Variants in TENM3 observed in about 807,000 individuals in gnomAD.
TENM3 encodes teneurin transmembrane protein 3.
In TENM3, 63 loss-of-function variants were observed where a neutral mutation model predicts 255.1. That is an observed-to-expected ratio of 0.25 (90% CI 0.20 to 0.30). The LOEUF is 0.30. Among genes scored for constraint, TENM3 ranks in the 10% least tolerant of loss-of-function variants. The pLI is 1.00. For synonymous variants in TENM3, 1,306 were observed against 1,322.3 expected (o/e 0.99, Z 0.27); for missense variants, 2,929 against 3,461.1 (o/e 0.85, Z 3.86).
chr4:182,085,567 G>A, the TENM3 span, among the ~76,000 whole-genome samples: 3 of 152,082 alleles, frequency 2.0e-5, no homozygotes, highest in Admixed American at 2.0e-4. Flanking sequence ...ATAAAAATGT[G>A]CCTATCTATT....
At chr4:182,160,281 C>A (rs557177884) in intron 1 of TENM3, among the ~76,000 whole-genome samples, 4 of 152,062 alleles carry the variant, frequency 2.6e-5, no homozygotes, top group Non-Finnish European at 5.9e-5. Context: ...GGATTACAGG[C>A]GTGAGCCACC....
At chr4:181,665,955 T>C in the TENM3 span, among the ~76,000 whole-genome samples, 1 of 152,142 alleles carries the variant, frequency 6.6e-6, no homozygotes, top group African/African-American at 2.4e-5. Context: ...CACCTATATA[T>C]TGGTCTTCCA....
At chr4:182,381,224 G>A (rs916204124) in intron 3 of TENM3, among the ~76,000 whole-genome samples, 2 of 152,164 alleles carry the variant, frequency 1.3e-5, no homozygotes, top group African/African-American at 2.4e-5. Flanking sequence ...AATTAGAGAC[G>A]GAAAACACCT....
At chr4:181,698,708 G>A in the TENM3 span, among the ~76,000 whole-genome samples, 15 of 152,244 alleles carry the variant, frequency 9.9e-5, no homozygotes, top group Admixed American at 3.3e-4. Context: ...ACCTAACTTC[G>A]TTAGACCTCA....
the TENM3 span, among the ~76,000 whole-genome samples, chr4:181,915,742 G>C: frequency 6.6e-6 from 1 of 151,792 alleles, no homozygotes; most frequent in Non-Finnish European, 1.5e-5. Context: ...GGAGAACACA[G>C]AAGATTGACT....
intron 3 of TENM3, among the ~76,000 whole-genome samples, chr4:182,407,833 C>G (rs1220095900): frequency 6.6e-6 from 1 of 152,218 alleles, no homozygotes; most frequent in Non-Finnish European, 1.5e-5. Context: ...CAGGAATTCA[C>G]TCTTCATTAC....
chr4:182,540,032 C>T (rs13126356), intron 3 of TENM3, among the ~76,000 whole-genome samples: 134,005 of 152,272 alleles, frequency 0.88, 59,216 homozygotes, highest in East Asian at 0.96. Flanking sequence ...CCTAGAGAAC[C>T]TAATTGATAC....
chr4:181,787,580 T>A, the TENM3 span, among the ~76,000 whole-genome samples: 1 of 152,120 alleles, frequency 6.6e-6, no homozygotes, highest in Non-Finnish European at 1.5e-5. Flanking sequence ...CCTCAAGTGA[T>A]CTGCCCACCT....
At chr4:182,123,531 G>A in the TENM3 span, among the ~76,000 whole-genome samples, 1 of 152,190 alleles carries the variant, frequency 6.6e-6, no homozygotes. Flanking sequence ...AGGAGAGGGA[G>A]AGAGATGGGG....
At chr4:182,744,797 A>G (rs796519123) in intron 19 of TENM3, among the ~76,000 whole-genome samples, 2 of 152,310 alleles carry the variant, frequency 1.3e-5, no homozygotes, top group African/African-American at 4.8e-5. Flanking sequence ...GGAGGAAATG[A>G]CTTTCTTCAA....
chr4:182,543,215 A>AT (rs1741071943), intron 3 of TENM3, among the ~76,000 whole-genome samples: 1 of 137,730 alleles, frequency 7.3e-6, no homozygotes, highest in Non-Finnish European at 1.7e-5. Flanking sequence ...GCAAGGATGG[A>AT]GGGATGCATG....
chr4:182,797,079 G>C (rs1579550838), intron 27 of TENM3, among the ~76,000 whole-genome samples: 1 of 152,130 alleles, frequency 6.6e-6, no homozygotes, highest in Admixed American at 6.5e-5. Context: ...AAACAAAAGG[G>C]CAGGGAACTC....
chr4:182,076,859 C>T, the TENM3 span, among the ~76,000 whole-genome samples: 2 of 152,198 alleles, frequency 1.3e-5, no homozygotes, highest in African/African-American at 4.8e-5. Flanking sequence ...CCATACAGCG[C>T]TTTATAAACA....
chr4:181,492,173 G>A, the TENM3 span, among the ~76,000 whole-genome samples: 3 of 152,162 alleles, frequency 2.0e-5, no homozygotes, highest in Admixed American at 1.3e-4. Flanking sequence ...ATTTATGCAC[G>A]TGAGAAGGTC....
chr4:182,094,370 C>A, the TENM3 span, among the ~76,000 whole-genome samples: 1 of 151,978 alleles, frequency 6.6e-6, no homozygotes, highest in Non-Finnish European at 1.5e-5. Context: ...CTCAGCCTCC[C>A]GAGTAGCTGG....
intron 1 of TENM3, among the ~76,000 whole-genome samples, chr4:182,295,261 C>CTTTTTTTTTTT (rs752005972): frequency 2.8e-4 from 20 of 70,442 alleles, no homozygotes; most frequent in South Asian, 4.5e-4. Flanking sequence ...CTTTGCTTTT[C>CTTTTTTTTTTT]TTTTTTTTTT....
the TENM3 span, among the ~76,000 whole-genome samples, chr4:181,527,420 G>C: frequency 6.6e-6 from 1 of 152,064 alleles, no homozygotes. Flanking sequence ...CCAGGCTGGA[G>C]TGCAGTGGCT....
intron 3 of TENM3, among the ~76,000 whole-genome samples, chr4:182,530,471 A>G (rs1164125271): frequency 6.6e-6 from 1 of 152,242 alleles, no homozygotes; most frequent in African/African-American, 2.4e-5. Context: ...TAAGTGCTGC[A>G]GCACTCTGTA....
chr4:182,364,858 A>G (rs13132482), intron 3 of TENM3, among the ~76,000 whole-genome samples: 17,324 of 152,276 alleles, frequency 0.11, 1,128 homozygotes, highest in Non-Finnish European at 0.14. Context: ...CGCTACTATA[A>G]GTGATTCTGC....
Sources: allele counts gnomAD v4.1 joint callset (sites outside exome capture counted in the v4.1 genomes callset), GRCh38; gene constraint gnomAD v4.1.1; transcripts MANE v1.5; gene names NCBI Gene and HGNC (gene_info 2026-07-23, HGNC 2026-07-21).